PTPRD: variants seen among roughly 807,000 people sequenced by gnomAD.
The protein encoded by PTPRD is protein tyrosine phosphatase receptor type D.
A neutral mutation model predicts 214.5 loss-of-function variants in PTPRD; 34 were observed. That is an observed-to-expected ratio of 0.16 (90% CI 0.12 to 0.21). PTPRD has a LOEUF of 0.21. PTPRD is among the 10% of genes least tolerant of loss of function. The pLI, the probability that PTPRD is intolerant of heterozygous loss-of-function variation, is 1.00. For missense variants in PTPRD, 2,545 were observed against 2,398.7 expected (o/e 1.06, Z -1.27); for synonymous variants, 1,128 against 845.7 (o/e 1.33, Z -5.79).
At chr9:10,170,008 T>C (rs13285270) in intron 3 of PTPRD, among the ~76,000 whole-genome samples, 31,233 of 147,596 alleles carry the variant, frequency 0.21, 3,343 homozygotes, top group Middle Eastern at 0.3. Context: ...TGATACTCTC[T>C]TATCACAAAA....
chr9:9,140,716 C>T (rs1212916508), intron 10 of PTPRD, among the ~76,000 whole-genome samples: 1 of 152,186 alleles, frequency 6.6e-6, no homozygotes, highest in African/African-American at 2.4e-5. Flanking sequence ...GTAGCTGGGA[C>T]TACAGGTGCC....
chr9:9,573,237 C>G (rs1319210431), intron 8 of PTPRD, among the ~76,000 whole-genome samples: 1 of 151,258 alleles, frequency 6.6e-6, no homozygotes, highest in Admixed American at 6.6e-5. Context: ...AAAGCAATAC[C>G]TACTGTATGA....
At chr9:10,264,882 G>A (rs779682983) in intron 3 of PTPRD, among the ~76,000 whole-genome samples, 43 of 152,062 alleles carry the variant, frequency 2.8e-4, no homozygotes, top group Non-Finnish European at 5.0e-4. Flanking sequence ...TGAATCATGG[G>A]GGCAGTTCCC....
intron 11 of PTPRD, among the ~76,000 whole-genome samples, chr9:8,749,025 T>C (rs901136769): frequency 1.3e-5 from 2 of 152,160 alleles, no homozygotes; most frequent in African/African-American, 4.8e-5. Context: ...TTATATATTA[T>C]ATACATTTAC....
intron 7 of PTPRD, among the ~76,000 whole-genome samples, chr9:9,586,657 C>G (rs114654451): frequency 6.6e-6 from 1 of 151,906 alleles, no homozygotes; most frequent in African/African-American, 2.4e-5. Context: ...ACTCACTTTT[C>G]GCTACCATTT....
intron 8 of PTPRD, among the ~76,000 whole-genome samples, chr9:9,430,565 T>C (rs998462476): frequency 6.6e-6 from 1 of 152,130 alleles, no homozygotes; most frequent in Non-Finnish European, 1.5e-5. Context: ...TTAAAGTTCA[T>C]ATGGAACAAA....
chr9:9,011,343 A>G (rs960198318), intron 11 of PTPRD, among the ~76,000 whole-genome samples: 1 of 152,114 alleles, frequency 6.6e-6, no homozygotes, highest in Non-Finnish European at 1.5e-5. Flanking sequence ...AATATCATAG[A>G]ATTAAGTGGT....
At chr9:8,388,728 G>A (rs934512666) in intron 37 of PTPRD, among the ~76,000 whole-genome samples, 1 of 152,192 alleles carries the variant, frequency 6.6e-6, no homozygotes, top group African/African-American at 2.4e-5. Context: ...TCTCAGCCGT[G>A]TATTCAGCCA....
chr9:9,883,092 T>C (rs957096876), intron 5 of PTPRD, among the ~76,000 whole-genome samples: 3 of 152,148 alleles, frequency 2.0e-5, no homozygotes, highest in African/African-American at 7.2e-5. Context: ...TATAAGCCTC[T>C]TTTAGTTATA....
chr9:9,973,752 G>T (rs2095244580), intron 4 of PTPRD, among the ~76,000 whole-genome samples: 1 of 152,020 alleles, frequency 6.6e-6, no homozygotes, highest in African/African-American at 2.4e-5. Context: ...GTGAAAACAT[G>T]TTACTTGGCA....
chr9:10,380,516 A>C lies in PTPRD; in HGVS notation c.-599-39499T>G, dbSNP rs140625347. On this transcript the variant is annotated intron_variant, in intron 2 of 45. Transcript: ENST00000381196. ...CGAAACACATATCATAGTACCCTTC[A>C]CTAATCAGCAAAATGTGTCTTTACT... 9.4e-4 allele frequency among the ~76,000 whole-genome samples: 143 copies of C among 152,166 alleles called. 1 individual carries two copies. Among genetic ancestry groups the C allele is most frequent in the African/African-American group, 3.2e-3 (133 of 41,542 alleles).
At chr9:9,820,751 T>C (rs1048860250) in intron 5 of PTPRD, among the ~76,000 whole-genome samples, 1 of 152,108 alleles carries the variant, frequency 6.6e-6, no homozygotes, top group African/African-American at 2.4e-5. Flanking sequence ...CCCTTCCCCA[T>C]TGCTTATTTT....
chr9:8,786,190 T>C (rs1194006638), intron 11 of PTPRD, among the ~76,000 whole-genome samples: 1 of 152,068 alleles, frequency 6.6e-6, no homozygotes, highest in East Asian at 1.9e-4. Flanking sequence ...ATTCATAAAT[T>C]AACGACTCAG....
chr9:9,227,564 G>C (rs1392470579), intron 9 of PTPRD, among the ~76,000 whole-genome samples: 1 of 152,062 alleles, frequency 6.6e-6, no homozygotes, highest in Admixed American at 6.6e-5. Context: ...GCTGAACTTA[G>C]GTACTTGCTT....
intron 7 of PTPRD, among the ~76,000 whole-genome samples, chr9:9,707,317 T>C (rs2097641944): frequency 6.6e-6 from 1 of 152,174 alleles, no homozygotes; most frequent in Non-Finnish European, 1.5e-5. Context: ...GCCTTAGAGA[T>C]CACAGTTGTG....
intron 11 of PTPRD, among the ~76,000 whole-genome samples, chr9:8,888,103 G>T (rs2098506918): frequency 6.6e-6 from 1 of 152,162 alleles, no homozygotes; most frequent in South Asian, 2.1e-4. Flanking sequence ...AGTGGTATTA[G>T]TTTCCTTTTG....
rs191257141 is a variant in PTPRD, at chr9:9,739,042, T to C, written c.-325-4471A>G. 3.1e-3 allele frequency among the ~76,000 whole-genome samples: 467 copies of C among 152,328 alleles called. 2 individuals are homozygous for C. Among genetic ancestry groups the C allele is most frequent in the African/African-American group, 0.01 (433 of 41,572 alleles). The stretch of plus-strand genomic sequence containing the variant: ...ATAAAAAATCATATATTAAAATTAA[T>C]AATCTGGTACATTCCTTTCAATTTA... On this transcript the variant is annotated intron_variant, in intron 6 of 45. Coordinates refer to ENST00000381196, the MANE Select transcript of PTPRD (RefSeq NM_002839.4).
At chr9:9,519,954 A>G (rs2096926434) in intron 8 of PTPRD, among the ~76,000 whole-genome samples, 1 of 152,108 alleles carries the variant, frequency 6.6e-6, no homozygotes, top group Non-Finnish European at 1.5e-5. Context: ...GTATTGGTGC[A>G]ATGATAGACA....
chr9:9,677,867 A>G (rs2096968179), intron 7 of PTPRD, among the ~76,000 whole-genome samples: 1 of 152,156 alleles, frequency 6.6e-6, no homozygotes, highest in South Asian at 2.1e-4. Flanking sequence ...CAAGTTCAGC[A>G]AAGTCTCAGG....
Sources: allele counts gnomAD v4.1 joint callset (sites outside exome capture counted in the v4.1 genomes callset), GRCh38; gene constraint gnomAD v4.1.1; transcripts MANE v1.5; gene names NCBI Gene and HGNC (gene_info 2026-07-23, HGNC 2026-07-21).